The following NIPA1 variants were observed in gnomAD, a reference collection of about 807,000 sequenced individuals.
The protein encoded by NIPA1 is magnesium transporter NIPA1.
NIPA1 carries 13 observed loss-of-function variants against 23.9 expected under a neutral mutation model. That is an observed-to-expected ratio of 0.54 (90% CI 0.35 to 0.87). NIPA1 has a LOEUF of 0.87. Among genes scored for constraint, NIPA1 ranks in the 40% least tolerant of loss-of-function variants. NIPA1 has a pLI of 0.01. For missense variants in NIPA1, 362 were observed against 429.7 expected (o/e 0.84, Z 1.39); for synonymous variants, 234 against 202.9 (o/e 1.15, Z -1.30).
intron 1 of NIPA1, among the ~76,000 whole-genome samples, 174 bp downstream of exon 1, chr15:22,787,008 C>T (rs1894722212): frequency 6.6e-6 from 1 of 151,696 alleles, no homozygotes; most frequent in Admixed American, 6.6e-5. Context: ...AGGCTGCCGC[C>T]GCGTCCTGGC....
At chr15:22,819,672 A>G (rs996160563) in intron 3 of NIPA1, among the ~76,000 whole-genome samples, 5 of 151,980 alleles carry the variant, frequency 3.3e-5, no homozygotes, top group Non-Finnish European at 7.4e-5. Context: ...TGTTTTTATC[A>G]TGCATTACTT....
chr15:22,792,982 G>A (rs989688093), intron 1 of NIPA1, among the ~76,000 whole-genome samples: 10 of 152,070 alleles, frequency 6.6e-5, no homozygotes, highest in African/African-American at 2.4e-4. Flanking sequence ...AATTGGGTTG[G>A]TAGCGGGAGG....
In NIPA1 at chr15:22,820,443, G is replaced by A. The variant is rs376665085; in HGVS notation, c.448G>A (p.Ala150Thr). ...SPKSESVTTQ[A>T]ELEEKLTNPV... ...AAAGTCTGAGAGTGTGACAACTCAG[G>A]CTGAGCTGGAGGAAAAGCTGACCAA... Residue 150 changes from alanine (A) to threonine (T), a missense_variant, in exon 4 of 5, where the codon GCT becomes ACT. This residue lies in a region of NIPA1 where 277 missense variants were observed against 372.0 expected (regional missense o/e 0.74). Transcript: ENST00000337435. The A allele has an allele frequency of 6.2e-7, 1 of 1,613,474 alleles. No homozygotes were observed. Among genetic ancestry groups the A allele is most frequent in the Non-Finnish European group, 8.5e-7 (1 of 1,179,394 alleles).
At chr15:22,811,420 AAACATGGC>A (rs1434877081) in intron 2 of NIPA1, among the ~76,000 whole-genome samples, 2 of 152,024 alleles carry the variant, frequency 1.3e-5, no homozygotes, top group Non-Finnish European at 2.9e-5. Flanking sequence ...CCAGCCTGGG[AAACATGGC>A]AAAACCCTGT....
Position 22,823,927 on chromosome 15 carries a change from C to A in NIPA1, c.678C>A (p.Ala226=), listed in dbSNP as rs759190691. Residue 226 remains alanine (A), a synonymous_variant, in exon 5 of 5, where the codon GCC becomes GCA. Transcript: ENST00000337435. ...ILHNNPSSQR[A]LCLCLVLLAV... ...ATAACAACCCGTCCAGTCAGAGAGC[C>A]CTCTGCCTGTGCCTGGTACTCCTGG... 6.2e-7 allele frequency: 1 copy of A among 1,613,870 alleles called. No homozygotes were observed. Among genetic ancestry groups the A allele is most frequent in the African/African-American group, 1.3e-5 (1 of 74,932 alleles).
intron 4 of NIPA1, among the ~76,000 whole-genome samples, chr15:22,822,454 C>G (rs1566788499): frequency 6.6e-6 from 1 of 152,138 alleles, no homozygotes; most frequent in Admixed American, 6.5e-5. Flanking sequence ...TCCCTCCTGT[C>G]CCCTGCCTTA....
chr15:22,790,899 C>G (rs1243409564), intron 1 of NIPA1, among the ~76,000 whole-genome samples: 1 of 152,108 alleles, frequency 6.6e-6, no homozygotes, highest in African/African-American at 2.4e-5. Flanking sequence ...GAATGAAGTT[C>G]TTGCTTTAAG....
At chr15:22,823,007 CTCCCGGGTTCAAGCGAT>C (rs1489521695) in intron 4 of NIPA1, among the ~76,000 whole-genome samples, 1 of 143,198 alleles carries the variant, frequency 7.0e-6, no homozygotes, top group African/African-American at 2.6e-5. Flanking sequence ...CAACCTCTGC[CTCCCGGGTTCAAGCGAT>C]TCTCCTGCCT....
intron 2 of NIPA1, chr15:22,811,048 C>T (rs1895306034): frequency 1.9e-6 from 1 of 536,792 alleles, no homozygotes; most frequent in Non-Finnish European, 3.4e-6. Flanking sequence ...GCCCCTGCTG[C>T]CCACGATTAG....
chr15:22,813,429 C>T (rs1309557809), intron 3 of NIPA1, among the ~76,000 whole-genome samples: 2 of 152,066 alleles, frequency 1.3e-5, no homozygotes, highest in Non-Finnish European at 2.9e-5. Flanking sequence ...GGCTGCAAGC[C>T]ATCAAACATT....
At chr15:22,818,063 A>G (rs947009411) in intron 3 of NIPA1, among the ~76,000 whole-genome samples, 5 of 152,214 alleles carry the variant, frequency 3.3e-5, no homozygotes, top group African/African-American at 1.2e-4. Flanking sequence ...TTCTGCTTAA[A>G]AGGATGCCAT....
chr15:22,806,117 G>GT (rs1403043751), intron 1 of NIPA1, among the ~76,000 whole-genome samples: 14 of 152,212 alleles, frequency 9.2e-5, no homozygotes, highest in Admixed American at 7.2e-4. Flanking sequence ...CAGAGACGGG[G>GT]TTTCACCGTG....
At chr15:22,810,067 G>A (rs1895289714) in intron 1 of NIPA1, among the ~76,000 whole-genome samples, 1 of 151,852 alleles carries the variant, frequency 6.6e-6, no homozygotes, top group Non-Finnish European at 1.5e-5. Context: ...GTGCTTAGGA[G>A]CATTTTGCCA....
At chr15:22,801,736 C>T (rs1167189451) in intron 1 of NIPA1, among the ~76,000 whole-genome samples, 12 of 152,042 alleles carry the variant, frequency 7.9e-5, no homozygotes, top group East Asian at 1.9e-4. Flanking sequence ...AGGCTGGTCT[C>T]GAACTCCTGA....
At chr15:22,820,204 GA>G in intron 3 of NIPA1, 108 bp from the exon 4 acceptor site, 8 of 826,544 alleles carry the variant, frequency 9.7e-6, no homozygotes, top group South Asian at 1.5e-5. Flanking sequence ...CTCTTAAAGG[GA>G]AAAAAAGAAG....
At chr15:22,812,697 G>A (rs1233000770) in intron 3 of NIPA1, among the ~76,000 whole-genome samples, 63 of 151,572 alleles carry the variant, frequency 4.2e-4, no homozygotes, top group Admixed American at 3.9e-3. Context: ...ACTCTATATC[G>A]TTTAATTTTA....
In NIPA1 at chr15:22,803,310, C is replaced by T. The variant is rs920375565; in HGVS notation, c.179-7439C>T. 3.3e-5 allele frequency among the ~76,000 whole-genome samples: 5 copies of T among 151,586 alleles called. No homozygotes were observed. The South Asian group carries it at 1.0e-3, about 32-fold the overall frequency. The stretch of plus-strand genomic sequence containing the variant: ...ATGAGCCACCACGCCTGGCTGGGTT[C>T]TACCGTATTATTGACTGGTAAGAGT... On this transcript the variant is annotated intron_variant, in intron 1 of 4. Coordinates refer to ENST00000337435, the MANE Select transcript of NIPA1 (RefSeq NM_144599.5).
chr15:22,800,555 G>T (rs1895054329), intron 1 of NIPA1, among the ~76,000 whole-genome samples: 1 of 152,050 alleles, frequency 6.6e-6, no homozygotes, highest in South Asian at 2.1e-4. Flanking sequence ...ACTTTTGGGA[G>T]GCTGAGGTGA....
intron 1 of NIPA1, among the ~76,000 whole-genome samples, chr15:22,794,730 T>C (rs1044293467): frequency 1.3e-5 from 2 of 151,996 alleles, no homozygotes; most frequent in African/African-American, 4.8e-5. Context: ...GCCTTTCCTG[T>C]CATACCCACG....
Sources: gnomAD v4.1 joint callset for allele counts (sites outside exome capture counted in the v4.1 genomes callset) on GRCh38, gnomAD v4.1.1 for gene constraint, gnomAD v4.1.1 regional missense constraint, MANE v1.5 for transcripts, NCBI Gene and HGNC (gene_info 2026-07-23, HGNC 2026-07-21) for gene names.